The following PLA2G6 variants were observed in gnomAD, a reference collection of about 807,000 sequenced individuals.
The protein encoded by PLA2G6 is phospholipase A2 group VI, also known as 85/88 kDa calcium-independent phospholipase A2.
Under a neutral mutation model 83.8 loss-of-function variants are expected in PLA2G6, and 62 were observed. The observed-to-expected ratio is 0.74, with a 90% CI of 0.60 to 0.91. PLA2G6 has a LOEUF of 0.91. Among genes scored for constraint, PLA2G6 ranks in the 40% least tolerant of loss-of-function variants. The probability of loss-of-function intolerance (pLI) is 0.00; values close to 1 mark genes in which losing one functional copy is unlikely to be tolerated. For synonymous variants in PLA2G6, 417 were observed against 449.8 expected (o/e 0.93, Z 0.92); for missense variants, 944 against 1,102.0 (o/e 0.86, Z 2.03).
intron 12 of PLA2G6, among the ~76,000 whole-genome samples, chr22:38,118,049 A>G (rs1224335172): frequency 1.3e-5 from 2 of 151,892 alleles, no homozygotes; most frequent in Non-Finnish European, 2.9e-5. Flanking sequence ...AAAAAAAAAA[A>G]AGAAAGAAAT....
intron 2 of PLA2G6, among the ~76,000 whole-genome samples, chr22:38,162,939 T>C (rs776475129): frequency 6.6e-6 from 1 of 152,026 alleles, no homozygotes; most frequent in Non-Finnish European, 1.5e-5. Context: ...CACGGGGGTG[T>C]GTCTCTTCCC....
At chr22:38,168,637 G>A (rs1301412549) in intron 2 of PLA2G6, among the ~76,000 whole-genome samples, 1 of 152,204 alleles carries the variant, frequency 6.6e-6, no homozygotes, top group Non-Finnish European at 1.5e-5. Context: ...ATCACCTGAG[G>A]TCAGGAGTTT....
chr22:38,126,312 G>A (rs992074994), intron 10 of PLA2G6, 59 bp downstream of exon 10: 3 of 1,300,544 alleles, frequency 2.3e-6, no homozygotes, highest in East Asian at 4.6e-5. Context: ...ACAGGGGGTG[G>A]GTGAGGGGCA....
At chr22:38,126,309 G>C in intron 10 of PLA2G6, 62 bp downstream of exon 10, 1 of 1,265,714 alleles carries the variant, frequency 7.9e-7, no homozygotes, top group Non-Finnish European at 1.2e-6. Flanking sequence ...ACAACAGGGG[G>C]TGGGTGAGGG....
At chr22:38,178,798 G>A (rs887821663) in intron 1 of PLA2G6, among the ~76,000 whole-genome samples, 4 of 151,844 alleles carry the variant, frequency 2.6e-5, no homozygotes, top group Non-Finnish European at 5.9e-5. Context: ...CCCAGGAGGC[G>A]GAGGCTGCAG....
intron 4 of PLA2G6, chr22:38,142,725 G>C (rs1031224359): frequency 2.0e-5 from 7 of 350,352 alleles, no homozygotes; most frequent in African/African-American, 1.5e-4. Context: ...CCACAGATTG[G>C]ACAAGCTTGC....
chr22:38,121,892 CTGGAGACCCAG>C (rs1425673171), intron 11 of PLA2G6, among the ~76,000 whole-genome samples: 15 of 152,318 alleles, frequency 9.8e-5, no homozygotes, highest in African/African-American at 3.6e-4. Flanking sequence ...GGGCACACTG[CTGGAGACCCAG>C]TCCTGACTGC....
In PLA2G6 at chr22:38,116,104, A is replaced by C; in HGVS notation, c.1850T>G (p.Val617Gly). 6.2e-7 allele frequency: 1 copy of C among 1,614,120 alleles called. No homozygotes were observed. Among genetic ancestry groups the C allele is most frequent in the Non-Finnish European group, 8.5e-7 (1 of 1,180,024 alleles). The change falls in exon 13 of 17, where the codon GTT becomes GGT. Residue 617 changes from valine to glycine, a missense_variant. Val to Gly is a moderately radical substitution (Grantham distance 109, BLOSUM62 -3). Transcript: ENST00000332509. The stretch of plus-strand genomic sequence containing the variant: ...GGGCTGAGCTGGAGGCCTGAGGTTA[A>C]CGTTCTGGTTGAAACGAGGCTCCCG... Reference protein sequence around the residue: ...TVREPRFNQNVNLRPPAQPSD... With the variant: ...TVREPRFNQNGNLRPPAQPSD...
Position 38,132,200 on chromosome 22 carries a change from G to A in PLA2G6, c.1077+631C>T. On this transcript the variant is annotated intron_variant, in intron 7 of 16. Coordinates refer to ENST00000332509, the MANE Select transcript of PLA2G6 (RefSeq NM_003560.4). The surrounding 1 kb of genome is among the most constrained non-coding windows in gnomAD (Gnocchi z 5.0). ...GGTTTAATATGTTCATACTCTAGAT[G>A]TGTAACCAGACAGTAAGGGCTTTGA... The A allele has an allele frequency of 2.3e-6, 1 of 428,462 alleles. No individual in the cohort carries two copies. Among genetic ancestry groups the A allele is most frequent in the Admixed American group, 2.6e-5 (1 of 37,936 alleles). The allele number at this position is 428,462 out of a possible 1,614,324, so 26.5% of individuals were successfully genotyped here. A position where few individuals can be genotyped will look rare whatever the true frequency, so the allele number is the denominator to read the frequency against.
chr22:38,120,357 G>A (rs2087451207), intron 12 of PLA2G6, among the ~76,000 whole-genome samples: 1 of 152,250 alleles, frequency 6.6e-6, no homozygotes. Context: ...CATTTGAAAG[G>A]CCAGTGGGTT....
At chr22:38,120,442 G>A (rs2087455974) in intron 12 of PLA2G6, among the ~76,000 whole-genome samples, 1 of 152,192 alleles carries the variant, frequency 6.6e-6, no homozygotes, top group South Asian at 2.1e-4. Flanking sequence ...CTCTCTCCAG[G>A]CAAGCCCCAG....
At chr22:38,127,036 T>C in intron 9 of PLA2G6, 1 of 1,091,184 alleles carries the variant, frequency 9.2e-7, no homozygotes, top group Non-Finnish European at 1.1e-6. Flanking sequence ...GTCCATGTCT[T>C]CCTTTGTGTC....
At chr22:38,154,450 A>C (rs1404683429) in intron 2 of PLA2G6, among the ~76,000 whole-genome samples, 1 of 152,198 alleles carries the variant, frequency 6.6e-6, no homozygotes, top group African/African-American at 2.4e-5. Context: ...AGAGAACAAG[A>C]GCCTCTGCCT....
rs1387267568 is a variant in PLA2G6, at chr22:38,132,875, C to T, written c.1033G>A (p.Ala345Thr). 7 of 1,553,368 alleles carry T rather than the reference C, an allele frequency of 4.5e-6. No homozygotes were observed. Among genetic ancestry groups the T allele is most frequent in the Admixed American group, 1.9e-5 (1 of 51,624 alleles). ...GGGGTGTTGCCGTGCTCTCCGCGGG[C>T]ATCCGCGTTGGCCCCGTGGGTCAGC... ...VLLTHGANAD[A>T]RGEHGNTPLH... is the part of the protein sequence containing the mutation. The change falls in exon 7 of 17, where the codon GCC (alanine) becomes ACC (threonine). Residue 345 changes from alanine (A) to threonine (T), a missense_variant. Coordinates refer to ENST00000332509, the MANE Select transcript of PLA2G6 (RefSeq NM_003560.4). This position sits in a 1 kb window ranked among gnomAD's most constrained non-coding sequence, Gnocchi z 5.0.
intron 16 of PLA2G6, 29 bp downstream of exon 16, chr22:38,112,475 G>C (rs1427773906): frequency 1.3e-5 from 20 of 1,541,890 alleles, no homozygotes; most frequent in Non-Finnish European, 1.6e-5. Context: ...AGGGCACGGG[G>C]CCAAGGGCTG....
At chr22:38,175,982 C>T (rs1453382500) in intron 1 of PLA2G6, among the ~76,000 whole-genome samples, 1 of 152,172 alleles carries the variant, frequency 6.6e-6, no homozygotes, top group Non-Finnish European at 1.5e-5. Context: ...AAGGTGATAA[C>T]AGGGACCACA....
intron 2 of PLA2G6, among the ~76,000 whole-genome samples, chr22:38,168,296 C>T (rs2090299937): frequency 6.6e-6 from 1 of 152,204 alleles, no homozygotes; most frequent in African/African-American, 2.4e-5. Flanking sequence ...GATAGGTGAG[C>T]GGAAACAGGG....
chr22:38,122,028 C>T (rs1240933659), intron 11 of PLA2G6, among the ~76,000 whole-genome samples: 1 of 152,168 alleles, frequency 6.6e-6, no homozygotes, highest in Non-Finnish European at 1.5e-5. Flanking sequence ...CCGCCGTGGA[C>T]ACTAACGTCC....
chr22:38,127,710 A>G (rs891544141), intron 9 of PLA2G6, among the ~76,000 whole-genome samples: 1 of 152,192 alleles, frequency 6.6e-6, no homozygotes, highest in South Asian at 2.1e-4. Context: ...CAGCCCACAG[A>G]AAGTCCAGAG....
Sources: allele counts gnomAD v4.1 joint callset (sites outside exome capture counted in the v4.1 genomes callset), GRCh38; gene constraint gnomAD v4.1.1; non-coding constraint Gnocchi (gnomAD v3.1); transcripts MANE v1.5; gene names NCBI Gene and HGNC (gene_info 2026-07-23, HGNC 2026-07-21).